The following TBRG4 variants were observed in gnomAD, a reference collection of about 807,000 sequenced individuals.
TBRG4 encodes transforming growth factor beta regulator 4, also known as FAST kinase domain-containing protein 4.
Under a neutral mutation model 65.6 loss-of-function variants are expected in TBRG4, and 43 were observed. The observed-to-expected ratio is 0.66, with a 90% confidence interval of 0.51 to 0.85. The LOEUF (loss-of-function observed/expected upper bound fraction) is 0.85, where lower values mean the gene tolerates loss of function less well. Among genes scored for constraint, TBRG4 ranks in the 40% least tolerant of loss-of-function variants. TBRG4 has a pLI of 0.00. For missense variants in TBRG4, 709 were observed against 787.9 expected (o/e 0.90, Z 1.20); for synonymous variants, 366 against 341.4 (o/e 1.07, Z -0.79).
Position 45,104,150 on chromosome 7 carries a change from GGACTTGGCACAGTGGGCCA to G in TBRG4, c.995_1013del (p.Val332AlafsTer21). The G allele has an allele frequency of 6.2e-7, 1 of 1,613,852 alleles. No homozygotes were observed. The highest frequency in any genetic ancestry group is 1.1e-5 in the South Asian group (1 of 91,034). Reference sequence around the variant, plus strand: ...GGCTGAGCCACTTGAGTAAGGCGAAGGACTTGGCACAGTGGGCCACCTCACCAGAAGTCAGGCTGGGCAT... The same window carrying G: ...GGCTGAGCCACTTGAGTAAGGCGAAGCCTCACCAGAAGTCAGGCTGGGCAT... On this transcript the variant is annotated frameshift_variant, in exon 5 of 11. Coordinates refer to ENST00000258770, the MANE Select transcript of TBRG4 (RefSeq NM_004749.4). LOFTEE classifies it high-confidence loss of function.
intron 1 of TBRG4, among the ~76,000 whole-genome samples, chr7:45,110,381 T>C (rs970884956): frequency 6.6e-6 from 1 of 151,662 alleles, no homozygotes; most frequent in Admixed American, 6.6e-5. Flanking sequence ...TTAACAATTC[T>C]ATCGGCCAGG....
In TBRG4 at chr7:45,102,006, C is replaced by A; in HGVS notation, c.1386G>T (p.Leu462=). The change falls in exon 8 of 11, where the codon CTG becomes CTT. Residue 462 remains leucine, a synonymous_variant. Transcript: ENST00000258770. ...QKLLHINATA[L]LEYPEYSGPL... Reference sequence around the variant, plus strand: ...GACCCGAGTACTCGGGGTACTCCAGCAGGGCAGTGGCGTTGATGTGGAGCA... The same window carrying A: ...GACCCGAGTACTCGGGGTACTCCAGAAGGGCAGTGGCGTTGATGTGGAGCA... The A allele has an allele frequency of 6.4e-7, 1 of 1,571,620 alleles. No homozygotes were observed. Among genetic ancestry groups the A allele is most frequent in the South Asian group, 1.2e-5 (1 of 86,532 alleles).
chr7:45,104,076 G>A (rs768873179), intron 5 of TBRG4, 23 bp downstream of exon 5: 2 of 1,569,490 alleles, frequency 1.3e-6, no homozygotes, highest in East Asian at 2.3e-5. Flanking sequence ...GCTTCTCTGA[G>A]TTGGGGCCAG....
In TBRG4 at chr7:45,104,123, C is replaced by T. The variant is rs1478459871; in HGVS notation, c.1041G>A (p.Leu347=). The change falls in exon 5 of 11, where the codon CTG becomes CTA. Residue 347 remains leucine (L), a synonymous_variant. Transcript: ENST00000258770. ...KSFALLKWLS[L]PLFEAFAQHV... The stretch of plus-strand genomic sequence containing the variant: ...CCTGGGCAAAGGCCTCAAACAGGGG[C>T]AGGCTGAGCCACTTGAGTAAGGCGA... The T allele has an allele frequency of 1.2e-6, 2 of 1,610,724 alleles. No homozygotes were observed. Among genetic ancestry groups the T allele is most frequent in the South Asian group, 1.1e-5 (1 of 90,506 alleles).
intron 10 of TBRG4, among the ~76,000 whole-genome samples, chr7:45,100,962 T>C (rs1784744898): frequency 6.6e-6 from 1 of 152,284 alleles, no homozygotes; most frequent in African/African-American, 2.4e-5. Context: ...TGCAGCCTCT[T>C]GGGCTTCAAG....
chr7:45,103,118 T>C (rs370892153), intron 6 of TBRG4: 1 of 587,674 alleles, frequency 1.7e-6, no homozygotes, highest in Non-Finnish European at 3.1e-6. Flanking sequence ...CCCCCAGCGC[T>C]GCCTGGCAGG....
At position 45,109,156 on chromosome 7, in the gene TBRG4, G is replaced by A. The variant is rs1012271241; in HGVS notation, c.82C>T (p.Arg28Ter). 7 of 1,613,954 alleles carry A rather than the reference G, an allele frequency of 4.3e-6. No homozygotes were observed. The highest frequency in any genetic ancestry group is 2.7e-5 in the African/African-American group (2 of 74,922). ...RQAPAMAPVG[R>*]LRLAWVAHKT... The stretch of plus-strand genomic sequence containing the variant: ...TGGGCTACCCAGGCAAGTCTCAGTC[G>A]GCCAACTGGAGCCATGGCAGGGGCC... The change falls in exon 2 of 11, where the codon CGA becomes TGA. Residue 28 changes from arginine to a stop codon, truncating the protein, a stop_gained. Coordinates refer to ENST00000258770, the MANE Select transcript of TBRG4 (RefSeq NM_004749.4). LOFTEE classifies it high-confidence loss of function.
intron 1 of TBRG4, 123 bp from the exon 2 acceptor site, chr7:45,109,410 C>T: frequency 1.2e-6 from 1 of 818,982 alleles, no homozygotes; most frequent in East Asian, 2.9e-5. Flanking sequence ...CTTGACAATC[C>T]ATAGGTATGT....
intron 3 of TBRG4, chr7:45,105,198 G>A: frequency 1.6e-6 from 1 of 611,842 alleles, no homozygotes; most frequent in African/African-American, 1.8e-5. Context: ...GGTGCAATCA[G>A]GGAAGCGCCT....
intron 1 of TBRG4, 174 bp downstream of exon 1, chr7:45,111,469 C>G (rs1363197403): frequency 1.4e-6 from 1 of 713,696 alleles, no homozygotes; most frequent in African/African-American, 1.9e-5. Context: ...AGAGAGGAAG[C>G]GTGCGCACTG....
chr7:45,108,769 C>T (rs1437255880), intron 2 of TBRG4, 58 bp downstream of exon 2: 2 of 1,437,758 alleles, frequency 1.4e-6, no homozygotes, highest in Non-Finnish European at 1.9e-6. Flanking sequence ...CTGTGGACCC[C>T]AGCATTTCTG....
rs11541073 is a variant in TBRG4, at chr7:45,109,054, G to A, written c.184C>T (p.Arg62Ter). Residue 62 changes from arginine (R) to a stop codon, truncating the protein, a stop_gained, in exon 2 of 11, where the codon CGA (arginine) becomes TGA (stop). Coordinates refer to ENST00000258770, the MANE Select transcript of TBRG4 (RefSeq NM_004749.4). LOFTEE classifies it high-confidence loss of function. Reference sequence around the variant, plus strand: ...TTCTCTATGTAGGGAGTAGATGCTCGTTCCTTCTCCACCGGCTCCATCAAG... The same window carrying A: ...TTCTCTATGTAGGGAGTAGATGCTCATTCCTTCTCCACCGGCTCCATCAAG... The part of the protein sequence containing the change: ...GSLMEPVEKE[R>*]ASTPYIEKQV... 2.5e-6 allele frequency: 4 copies of A among 1,613,736 alleles called. No homozygotes were observed. Among genetic ancestry groups the A allele is most frequent in the Non-Finnish European group, 3.4e-6 (4 of 1,179,812 alleles).
chr7:45,105,053 C>A, intron 3 of TBRG4: 1 of 702,860 alleles, frequency 1.4e-6, no homozygotes, highest in East Asian at 2.9e-5. Context: ...GGGCTACAGC[C>A]GATAGGGGTT....
At chr7:45,104,889 A>G in intron 3 of TBRG4, 180 bp from the exon 4 acceptor site, 3 of 1,038,298 alleles carry the variant, frequency 2.9e-6, no homozygotes, top group Non-Finnish European at 4.5e-6. Context: ...CACCCCAGGG[A>G]ACCCCTGGAC....
chr7:45,102,462 T>C lies in TBRG4; in HGVS notation c.1206A>G (p.Pro402=), dbSNP rs1411009976. The C allele has an allele frequency of 6.2e-7, 1 of 1,612,412 alleles. No individual in the cohort carries two copies. The change falls in exon 7 of 11, where the codon CCA becomes CCG. Residue 402 remains proline, a synonymous_variant. Transcript: ENST00000258770. ...CCACCTGCAGGGCTGGCTCCAGGCCTGGCAGCTCTGACCCCAGCTTCTCAT... is the reference window on the plus strand; with the variant it reads ...CCACCTGCAGGGCTGGCTCCAGGCCCGGCAGCTCTGACCCCAGCTTCTCAT... ...LVHEKLGSEL[P]GLEPALQVDL...
chr7:45,111,358 A>C, intron 1 of TBRG4: 1 of 184,490 alleles, frequency 5.4e-6, no homozygotes, highest in South Asian at 6.4e-5. Context: ...TAGTTCTAAA[A>C]TGCAGAGAGA....
Position 45,109,067 on chromosome 7 carries a change from C to T in TBRG4, c.171G>A (p.Pro57=), listed in dbSNP as rs778054935. Residue 57 remains proline, a synonymous_variant, in exon 2 of 11, where the codon CCG becomes CCA. Coordinates refer to ENST00000258770, the MANE Select transcript of TBRG4 (RefSeq NM_004749.4). ...GAGTAGATGCTCGTTCCTTCTCCAC[C>T]GGCTCCATCAAGGAACCTGGGAGGT... ...ISHLPGSLME[P]VEKERASTPY... is the part of the protein sequence containing the mutation. 30 of 1,614,036 alleles carry T rather than the reference C, an allele frequency of 1.9e-5. No homozygotes were observed. Among genetic ancestry groups the T allele is most frequent in the South Asian group, 4.4e-5 (4 of 91,082 alleles).
At chr7:45,111,440 A>C in intron 1 of TBRG4, 3 of 443,654 alleles carry the variant, frequency 6.8e-6, no homozygotes, top group South Asian at 6.7e-5. Context: ...GGCGTCTTCC[A>C]GGCCTGGCCG....
intron 8 of TBRG4, 36 bp from the exon 9 acceptor site, chr7:45,101,650 G>C: frequency 1.2e-6 from 2 of 1,605,502 alleles, no homozygotes; most frequent in East Asian, 2.2e-5. Context: ...CATGTTGGGG[G>C]ACATCCCTCA....
Sources: gnomAD v4.1 joint callset for allele counts (sites outside exome capture counted in the v4.1 genomes callset) on GRCh38, gnomAD v4.1.1 for gene constraint, MANE v1.5 for transcripts, NCBI Gene and HGNC (gene_info 2026-07-23, HGNC 2026-07-21) for gene names.